The following EXOC2 variants were observed in gnomAD, a reference collection of about 807,000 sequenced individuals.
EXOC2 encodes the protein SEC5-like 1.
Under a neutral mutation model 131.8 loss-of-function variants are expected in EXOC2, and 70 were observed. That is an observed-to-expected ratio of 0.53 (90% CI 0.44 to 0.65). The LOEUF (loss-of-function observed/expected upper bound fraction) is 0.65. EXOC2 is among the 30% of genes least tolerant of loss of function. The pLI, the probability that EXOC2 is intolerant of heterozygous loss-of-function variation, is 0.00. For synonymous variants in EXOC2, 411 were observed against 398.4 expected, an observed-to-expected ratio of 1.03 and a Z score of -0.38; for missense variants, 923 against 1,108.6, an observed-to-expected ratio of 0.83 and a Z score of 2.38.
intron 12 of EXOC2, 46 bp from the exon 13 acceptor site, chr6:572,690 A>C (rs773814832): frequency 1.3e-6 from 2 of 1,595,700 alleles, no homozygotes; most frequent in South Asian, 1.1e-5. Flanking sequence ...TTCTGAATCA[A>C]GAAAACACCT....
intron 27 of EXOC2, among the ~76,000 whole-genome samples, chr6:488,310 G>A (rs1763210745): frequency 6.6e-6 from 1 of 152,192 alleles, no homozygotes; most frequent in South Asian, 2.1e-4. Flanking sequence ...TATGGGCCCG[G>A]CAGCCACGTG....
chr6:658,653 ATATATATATATAT>A (rs1763259799), intron 1 of EXOC2, among the ~76,000 whole-genome samples: 34 of 77,268 alleles, frequency 4.4e-4, no homozygotes, highest in African/African-American at 1.2e-3. Flanking sequence ...TTTTATATAT[ATATATATATATAT>A]TTTTTTTTTT....
At chr6:566,841 T>C (rs1332829581) in intron 13 of EXOC2, among the ~76,000 whole-genome samples, 1 of 152,204 alleles carries the variant, frequency 6.6e-6, no homozygotes, top group Non-Finnish European at 1.5e-5. Flanking sequence ...AATCTCAATC[T>C]ACCACATTAT....
chr6:557,644 G>C (rs1471774764), intron 17 of EXOC2, among the ~76,000 whole-genome samples: 2 of 147,968 alleles, frequency 1.4e-5, no homozygotes, highest in Non-Finnish European at 3.0e-5. Flanking sequence ...AAGAAAAGAA[G>C]AAGAACTGAG....
chr6:505,460 T>G (rs1764489197), intron 23 of EXOC2, among the ~76,000 whole-genome samples: 2 of 152,248 alleles, frequency 1.3e-5, no homozygotes, highest in Non-Finnish European at 2.9e-5. Flanking sequence ...GTTTCTGGAC[T>G]GCTCTGACTT....
intron 22 of EXOC2, among the ~76,000 whole-genome samples, chr6:537,865 C>G (rs1766560075): frequency 6.6e-6 from 1 of 152,200 alleles, no homozygotes; most frequent in Admixed American, 6.5e-5. Flanking sequence ...ACGTAAAGTT[C>G]TGGGACAGGC....
chr6:587,610 A>C (rs1440315339), intron 11 of EXOC2, among the ~76,000 whole-genome samples: 1 of 152,248 alleles, frequency 6.6e-6, no homozygotes, highest in Non-Finnish European at 1.5e-5. Flanking sequence ...GATCACATAC[A>C]GAAAAACACC....
At chr6:493,002 G>A (rs1763525359) in intron 25 of EXOC2, among the ~76,000 whole-genome samples, 1 of 152,172 alleles carries the variant, frequency 6.6e-6, no homozygotes, top group African/African-American at 2.4e-5. Context: ...AGTTTCCTGG[G>A]AGCTCCAGCA....
chr6:600,503 T>C (rs547030945), intron 7 of EXOC2, among the ~76,000 whole-genome samples: 1 of 152,302 alleles, frequency 6.6e-6, no homozygotes, highest in Admixed American at 6.5e-5. Context: ...TAAAGGAGAC[T>C]AAATCTTTTT....
chr6:525,582 G>A (rs1362315130), intron 23 of EXOC2: 1 of 152,114 alleles, frequency 6.6e-6, no homozygotes, highest in African/African-American at 2.4e-5. Context: ...GCATGTGCCT[G>A]TTCTTTGTGG....
At chr6:654,474 G>C (rs1263299859) in intron 1 of EXOC2, among the ~76,000 whole-genome samples, 2 of 152,086 alleles carry the variant, frequency 1.3e-5, no homozygotes, top group Non-Finnish European at 2.9e-5. Context: ...GGATGTCACC[G>C]CAAGTATGGT....
chr6:539,053 G>C (rs1375304749), intron 22 of EXOC2, among the ~76,000 whole-genome samples: 1 of 143,264 alleles, frequency 7.0e-6, no homozygotes, highest in Non-Finnish European at 1.5e-5. Flanking sequence ...CTGGGTGACA[G>C]AGCAAGACTC....
chr6:597,539 T>A (rs761273671), intron 10 of EXOC2, among the ~76,000 whole-genome samples: 1 of 152,236 alleles, frequency 6.6e-6, no homozygotes, highest in African/African-American at 2.4e-5. Context: ...TCTCTTTCAC[T>A]GACCACTAAA....
In EXOC2 at chr6:497,417, T is replaced by C. The variant is rs201418363; in HGVS notation, c.2509A>G (p.Ser837Gly). The C allele has an allele frequency of 1.6e-4, 252 of 1,614,130 alleles. No homozygotes were observed. The Admixed American group carries it at 1.8e-3, about 12-fold the overall frequency. Residue 837 changes from serine (S) to glycine (G), a missense_variant, in exon 25 of 28, where the codon AGT becomes GGT. By Grantham distance (56) the Ser-to-Gly change is moderately conservative. Transcript: ENST00000230449. Reference sequence around the variant, plus strand: ...GATGAAACACACTGCATCAGTCGACTGAGCTCTTCAGAAACTGCTTCTATC... The same window carrying C: ...GATGAAACACACTGCATCAGTCGACCGAGCTCTTCAGAAACTGCTTCTATC... ...KVIEAVSEELSRLMQCVSSFS... is the reference protein window; with the variant it reads ...KVIEAVSEELGRLMQCVSSFS...
rs1461349625 is a variant in EXOC2 at position 578,397 on chromosome 6, T to C, written c.1193-1515A>G. On this transcript the variant is annotated intron_variant, in intron 11 of 27. Transcript: ENST00000230449. ...TGCTCTCAAGATGTTTACATTCTGG[T>C]GGTGGAGGCAGAAAATAAACCAATA... Among the ~76,000 whole-genome samples the C allele has an allele frequency of 2.6e-5, 4 of 152,068 alleles. No homozygotes were observed. The East Asian group carries it at 7.7e-4, about 29-fold the overall frequency.
intron 9 of EXOC2, among the ~76,000 whole-genome samples, chr6:598,426 G>A (rs1199280497): frequency 6.6e-6 from 1 of 152,184 alleles, no homozygotes; most frequent in African/African-American, 2.4e-5. Flanking sequence ...AAGGCCCTGT[G>A]ATATTTCTCC....
intron 23 of EXOC2, among the ~76,000 whole-genome samples, chr6:514,991 C>T (rs13192740): frequency 0.45 from 69,130 of 152,156 alleles, 18,104 homozygotes; most frequent in South Asian, 0.69. Flanking sequence ...TCGCTCTAAA[C>T]GAACAGTTCT....
chr6:503,581 C>T lies in EXOC2; in HGVS notation c.2381-3881G>A, dbSNP rs143724014. On this transcript the variant is annotated intron_variant, in intron 23 of 27. Coordinates refer to ENST00000230449, the MANE Select transcript of EXOC2 (RefSeq NM_018303.6). ...AGTGTATACACCTACTATGAACCCA[C>T]AAAAACTAAACATAAAAAAATTTAT... Among the ~76,000 whole-genome samples the T allele has an allele frequency of 6.0e-3, 908 of 152,270 alleles. 6 individuals are homozygous for T. Among genetic ancestry groups the T allele is most frequent in the South Asian group, 0.012 (58 of 4,824 alleles).
At chr6:509,612 C>T (rs1764738715) in intron 23 of EXOC2, among the ~76,000 whole-genome samples, 1 of 152,148 alleles carries the variant, frequency 6.6e-6, no homozygotes, top group South Asian at 2.1e-4. Flanking sequence ...AGAAGTGACA[C>T]AAGATTTACT....
Sources: gnomAD v4.1 joint callset for allele counts (sites outside exome capture counted in the v4.1 genomes callset) on GRCh38, gnomAD v4.1.1 for gene constraint, MANE v1.5 for transcripts, NCBI Gene and HGNC (gene_info 2026-07-23, HGNC 2026-07-21) for gene names.